The following ADGRB3 variants were observed in gnomAD, a reference collection of about 807,000 sequenced individuals.
ADGRB3 encodes the protein adhesion G protein-coupled receptor B3.
In ADGRB3, 37 loss-of-function variants were observed where a neutral mutation model predicts 193.4. The observed-to-expected ratio is 0.19, with a 90% CI of 0.15 to 0.25. The LOEUF (loss-of-function observed/expected upper bound fraction) is 0.25. ADGRB3 is among the 10% of genes least tolerant of loss of function. ADGRB3 has a pLI of 1.00. For synonymous variants in ADGRB3, 690 were observed against 644.2 expected, an observed-to-expected ratio of 1.07 and a Z score of -1.08; for missense variants, 1,637 against 1,852.9, an observed-to-expected ratio of 0.88 and a Z score of 2.14.
intron 3 of ADGRB3, among the ~76,000 whole-genome samples, chr6:68,764,915 A>C (rs933687740): frequency 3.3e-5 from 5 of 152,180 alleles, no homozygotes; most frequent in African/African-American, 1.2e-4. Flanking sequence ...ATTTTGGTAA[A>C]GTTTATTTTG....
At chr6:69,333,373 A>C (rs1323649549) in intron 24 of ADGRB3, among the ~76,000 whole-genome samples, 1 of 152,196 alleles carries the variant, frequency 6.6e-6, no homozygotes, top group Non-Finnish European at 1.5e-5. Context: ...CAGTGTTGGT[A>C]TGTGACAGAA....
chr6:68,920,721 G>T (rs764619087), intron 3 of ADGRB3, among the ~76,000 whole-genome samples: 4 of 151,858 alleles, frequency 2.6e-5, no homozygotes, highest in Non-Finnish European at 4.4e-5. Flanking sequence ...ATCAACTTTG[G>T]CCCATTCTCT....
chr6:69,117,176 G>T (rs1773558007), intron 17 of ADGRB3, among the ~76,000 whole-genome samples: 1 of 152,132 alleles, frequency 6.6e-6, no homozygotes, highest in African/African-American at 2.4e-5. Flanking sequence ...TGTGGATCTG[G>T]CTGTGGATAC....
chr6:69,001,636 G>T (rs1488552333), intron 11 of ADGRB3, among the ~76,000 whole-genome samples: 1 of 152,076 alleles, frequency 6.6e-6, no homozygotes, highest in Non-Finnish European at 1.5e-5. Flanking sequence ...GGAAAGAAAG[G>T]CCCTTGAAAC....
intron 3 of ADGRB3, among the ~76,000 whole-genome samples, chr6:68,763,121 G>T (rs573951291): frequency 1.3e-5 from 2 of 152,152 alleles, no homozygotes; most frequent in African/African-American, 4.8e-5. Flanking sequence ...GATGGAGTCT[G>T]GCTCTGTCAC....
chr6:69,385,639 A>G (rs1770054609), intron 31 of ADGRB3, among the ~76,000 whole-genome samples: 1 of 152,228 alleles, frequency 6.6e-6, no homozygotes. Flanking sequence ...TCTGTACTCA[A>G]GTGCAAAACA....
intron 17 of ADGRB3, among the ~76,000 whole-genome samples, chr6:69,143,016 C>T (rs1353888264): frequency 1.3e-5 from 2 of 152,124 alleles, no homozygotes; most frequent in Admixed American, 1.3e-4. Flanking sequence ...ATGAAGGTTG[C>T]CTTTTCTCCA....
intron 8 of ADGRB3, among the ~76,000 whole-genome samples, chr6:68,966,749 T>C (rs1768391571): frequency 6.6e-6 from 1 of 152,186 alleles, no homozygotes; most frequent in South Asian, 2.1e-4. Context: ...TCAAGAGACA[T>C]CGACTATTCT....
intron 20 of ADGRB3, among the ~76,000 whole-genome samples, chr6:69,259,644 C>T (rs1045229435): frequency 4.3e-5 from 6 of 139,494 alleles, no homozygotes; most frequent in Admixed American, 2.4e-4. Context: ...TGCAGTGAGC[C>T]GAGATGGCGC....
chr6:68,682,831 G>T (rs1764919165), intron 3 of ADGRB3, among the ~76,000 whole-genome samples: 1 of 150,926 alleles, frequency 6.6e-6, no homozygotes, highest in Non-Finnish European at 1.5e-5. Flanking sequence ...AGGCTGGAGT[G>T]TTGTGGCACA....
At chr6:68,991,656 A>C (rs1252153354) in intron 10 of ADGRB3, among the ~76,000 whole-genome samples, 1 of 152,058 alleles carries the variant, frequency 6.6e-6, no homozygotes. Flanking sequence ...GTGCCACTAG[A>C]GCACAGCAAA....
At chr6:69,083,603 A>G (rs1772457732) in intron 17 of ADGRB3, among the ~76,000 whole-genome samples, 1 of 152,132 alleles carries the variant, frequency 6.6e-6, no homozygotes, top group South Asian at 2.1e-4. Flanking sequence ...CAAGATGAGA[A>G]TAAGTAATGC....
At chr6:69,119,734 C>G (rs576250522) in intron 17 of ADGRB3, among the ~76,000 whole-genome samples, 28 of 152,242 alleles carry the variant, frequency 1.8e-4, no homozygotes, top group Middle Eastern at 3.4e-3. Flanking sequence ...GAAGACTTAT[C>G]AGGAGCGGAG....
chr6:69,039,810 C>T (rs1365782009), intron 13 of ADGRB3, among the ~76,000 whole-genome samples: 1 of 144,760 alleles, frequency 6.9e-6, no homozygotes, highest in Non-Finnish European at 1.5e-5. Context: ...GGTGCAATCT[C>T]GGCTCACTGC....
intron 3 of ADGRB3, among the ~76,000 whole-genome samples, chr6:68,874,983 T>G (rs1359288124): frequency 6.6e-6 from 1 of 152,152 alleles, no homozygotes; most frequent in East Asian, 1.9e-4. Context: ...TTAATGACAA[T>G]CCACCACAAG....
chr6:69,251,984 C>T (rs1766633305), intron 20 of ADGRB3, among the ~76,000 whole-genome samples: 2 of 152,098 alleles, frequency 1.3e-5, no homozygotes, highest in Admixed American at 1.3e-4. Flanking sequence ...CCAATATATA[C>T]TTATGTAACC....
At chr6:69,271,632 A>G (rs1767181569) in intron 20 of ADGRB3, among the ~76,000 whole-genome samples, 1 of 152,196 alleles carries the variant, frequency 6.6e-6, no homozygotes, top group African/African-American at 2.4e-5. Context: ...CATTTAAAAC[A>G]TATTGTCTAA....
chr6:69,371,031 A>G (rs886077598), intron 29 of ADGRB3, among the ~76,000 whole-genome samples: 2 of 152,106 alleles, frequency 1.3e-5, no homozygotes, highest in African/African-American at 2.4e-5. Flanking sequence ...TGTTGGAGAC[A>G]AGAAGAAAGT....
intron 3 of ADGRB3, among the ~76,000 whole-genome samples, chr6:68,862,867 A>C (rs773402732): frequency 2.6e-5 from 4 of 152,014 alleles, no homozygotes; most frequent in Non-Finnish European, 5.9e-5. Context: ...TTAAATTCCC[A>C]CCACAAATGA....
Sources: gnomAD v4.1 joint callset for allele counts (sites outside exome capture counted in the v4.1 genomes callset) on GRCh38, gnomAD v4.1.1 for gene constraint, MANE v1.5 for transcripts, NCBI Gene and HGNC (gene_info 2026-07-23, HGNC 2026-07-21) for gene names.